The following DENND5B variants were observed in gnomAD, a reference collection of about 807,000 sequenced individuals.
DENND5B encodes the protein DENN domain containing 5B, also known as DENN domain-containing protein 5B.
Under a neutral mutation model 140.6 loss-of-function variants are expected in DENND5B, and 34 were observed. The observed-to-expected ratio is 0.24, with a 90% CI of 0.18 to 0.32. The LOEUF (loss-of-function observed/expected upper bound fraction) is 0.32. DENND5B is among the 10% of genes least tolerant of loss of function. The pLI is 1.00. For missense variants in DENND5B, 1,142 were observed against 1,560.2 expected (o/e 0.73, Z 4.52); for synonymous variants, 551 against 562.1 (o/e 0.98, Z 0.28).
chr12:31,426,144 G>A (rs7962896), intron 9 of DENND5B, 149 bp downstream of exon 9: 5 of 802,292 alleles, frequency 6.2e-6, no homozygotes, highest in Admixed American at 3.5e-5. Context: ...TTCAATACCC[G>A]AGTAAAGAGC....
intron 15 of DENND5B, 90 bp from the exon 16 acceptor site, chr12:31,399,862 C>T: frequency 1.1e-6 from 1 of 879,958 alleles, no homozygotes; most frequent in Non-Finnish European, 1.8e-6. Flanking sequence ...TCTAATTTAA[C>T]AACTGCAGAG....
At chr12:31,567,756 A>T (rs989686566) in intron 1 of DENND5B, among the ~76,000 whole-genome samples, 1 of 152,120 alleles carries the variant, frequency 6.6e-6, no homozygotes, top group African/African-American at 2.4e-5. Flanking sequence ...GGCTGCAGTG[A>T]GCTATGATCT....
intron 5 of DENND5B, among the ~76,000 whole-genome samples, chr12:31,450,531 A>T (rs1944467657): frequency 6.6e-6 from 1 of 151,880 alleles, no homozygotes; most frequent in African/African-American, 2.4e-5. Context: ...TAATTTTAAA[A>T]TTTTTTGTAG....
intron 17 of DENND5B, among the ~76,000 whole-genome samples, chr12:31,394,022 T>C (rs946157029): frequency 2.6e-5 from 4 of 152,204 alleles, no homozygotes; most frequent in African/African-American, 9.7e-5. Context: ...AAGTAGGTTT[T>C]TTCTACACTA....
chr12:31,537,090 A>G (rs1050658685), intron 1 of DENND5B, among the ~76,000 whole-genome samples: 2 of 152,208 alleles, frequency 1.3e-5, no homozygotes, highest in African/African-American at 2.4e-5. Context: ...GTGTACTTCA[A>G]TCAGAAAGAA....
intron 1 of DENND5B, among the ~76,000 whole-genome samples, chr12:31,497,861 AG>A (rs1946835827): frequency 9.2e-5 from 1 of 10,822 alleles, no homozygotes; most frequent in Non-Finnish European, 1.5e-4. Flanking sequence ...GGGCAAGGGG[AG>A]GGGGAGGGGC....
chr12:31,491,378 C>A (rs903162995), intron 2 of DENND5B, among the ~76,000 whole-genome samples: 4 of 152,030 alleles, frequency 2.6e-5, no homozygotes, highest in African/African-American at 9.7e-5. Flanking sequence ...ACTTGAACAC[C>A]GGAGGCAGAG....
At chr12:31,442,985 G>T in intron 6 of DENND5B, 60 bp from the exon 7 acceptor site, 1 of 1,472,068 alleles carries the variant, frequency 6.8e-7, no homozygotes, top group Non-Finnish European at 9.2e-7. Flanking sequence ...CAAAAATAAT[G>T]CTTCCTCCAC....
chr12:31,530,200 C>G (rs956699183), intron 1 of DENND5B, among the ~76,000 whole-genome samples: 1 of 152,118 alleles, frequency 6.6e-6, no homozygotes, highest in African/African-American at 2.4e-5. Context: ...TGGTGAAACC[C>G]TGTCTCTACT....
chr12:31,415,530 C>A, intron 11 of DENND5B, 82 bp from the exon 12 acceptor site: 1 of 1,129,904 alleles, frequency 8.9e-7, no homozygotes, highest in African/African-American at 1.6e-5. Context: ...GAAACTGCTT[C>A]GATAAGAACA....
chr12:31,466,164 C>T (rs1945254628), intron 3 of DENND5B, among the ~76,000 whole-genome samples: 1 of 151,916 alleles, frequency 6.6e-6, no homozygotes, highest in South Asian at 2.1e-4. Flanking sequence ...ACCATCCTGG[C>T]CAACATGGTG....
intron 4 of DENND5B, among the ~76,000 whole-genome samples, chr12:31,454,035 G>A (rs1037999456): frequency 1.3e-5 from 2 of 151,630 alleles, no homozygotes; most frequent in Non-Finnish European, 2.9e-5. Flanking sequence ...CCAGCTACTC[G>A]GGAGGCTAAG....
chr12:31,584,993 G>T (rs1489097832), intron 1 of DENND5B, among the ~76,000 whole-genome samples: 1 of 152,184 alleles, frequency 6.6e-6, no homozygotes, highest in Non-Finnish European at 1.5e-5. Context: ...CAAGAGAGAG[G>T]AACGAAGAGG....
chr12:31,409,929 G>T (rs1268292418), intron 13 of DENND5B, among the ~76,000 whole-genome samples: 1 of 152,162 alleles, frequency 6.6e-6, no homozygotes, highest in Non-Finnish European at 1.5e-5. Context: ...AGCCACTGGG[G>T]CTGGCCCTCA....
chr12:31,402,960 C>T (rs1028946745), intron 14 of DENND5B, among the ~76,000 whole-genome samples: 9 of 152,106 alleles, frequency 5.9e-5, no homozygotes, highest in Non-Finnish European at 4.4e-5. Flanking sequence ...GATGTGAACA[C>T]TGACTGTGTA....
chr12:31,506,568 C>T (rs982131356), intron 1 of DENND5B, among the ~76,000 whole-genome samples: 3 of 152,182 alleles, frequency 2.0e-5, no homozygotes, highest in Non-Finnish European at 4.4e-5. Flanking sequence ...CCCAAATAGG[C>T]GTGCCCTTAT....
intron 18 of DENND5B, 22 bp from the exon 19 acceptor site, chr12:31,392,415 G>GCCAA: frequency 6.2e-7 from 1 of 1,609,064 alleles, no homozygotes; most frequent in Non-Finnish European, 8.5e-7. Context: ...AACACACAGT[G>GCCAA]CCAAAGAAAA....
chr12:31,510,022 G>T (rs1434208619), intron 1 of DENND5B, among the ~76,000 whole-genome samples: 1 of 152,166 alleles, frequency 6.6e-6, no homozygotes, highest in Non-Finnish European at 1.5e-5. Context: ...TCCTGCACTT[G>T]AGCCACGCCA....
chr12:31,557,913 T>C (rs1237233454), intron 1 of DENND5B, among the ~76,000 whole-genome samples: 1 of 151,204 alleles, frequency 6.6e-6, no homozygotes, highest in East Asian at 1.9e-4. Context: ...CTCCCAACCC[T>C]TCAGCCAGGC....
Sources: gnomAD v4.1 joint callset for allele counts (sites outside exome capture counted in the v4.1 genomes callset) on GRCh38, gnomAD v4.1.1 for gene constraint, MANE v1.5 for transcripts, NCBI Gene and HGNC (gene_info 2026-07-23, HGNC 2026-07-21) for gene names.